The following GRB10 variants were observed in gnomAD, a reference collection of about 807,000 sequenced individuals.
GRB10 encodes growth factor receptor-bound protein 10.
Under a neutral mutation model 80.9 loss-of-function variants are expected in GRB10, and 20 were observed. The observed-to-expected ratio is 0.25, with a 90% CI of 0.17 to 0.36. The LOEUF is 0.36. Ranked by LOEUF, GRB10 falls within the 10% of genes least tolerant of loss-of-function variation. The pLI is 1.00. For missense variants in GRB10, 548 were observed against 747.7 expected (o/e 0.73, Z 3.12); for synonymous variants, 291 against 291.5 (o/e 1.00, Z 0.02).
intron 2 of GRB10, among the ~76,000 whole-genome samples, chr7:50,756,640 G>A (rs1031529476): frequency 6.6e-6 from 1 of 152,180 alleles, no homozygotes; most frequent in Non-Finnish European, 1.5e-5. Context: ...TATGAACTGA[G>A]AGCTCAAGGC....
intron 7 of GRB10, among the ~76,000 whole-genome samples, chr7:50,639,015 C>T (rs150828908): frequency 6.6e-6 from 1 of 152,266 alleles, no homozygotes; most frequent in African/African-American, 2.4e-5. Flanking sequence ...CATATTATCA[C>T]TTAGAAGTTG....
chr7:50,724,466 A>G (rs2068263912), intron 4 of GRB10, among the ~76,000 whole-genome samples: 1 of 152,228 alleles, frequency 6.6e-6, no homozygotes, highest in Non-Finnish European at 1.5e-5. Context: ...CTGGAAATAA[A>G]CACGACCTGG....
intron 5 of GRB10, among the ~76,000 whole-genome samples, chr7:50,689,984 G>A (rs1366049323): frequency 6.7e-6 from 1 of 150,088 alleles, no homozygotes; most frequent in Non-Finnish European, 1.5e-5. Context: ...CTGGTTAATT[G>A]TGGTTAAAAA....
chr7:50,622,726 CA>C (rs2052038752), intron 8 of GRB10, among the ~76,000 whole-genome samples: 1 of 151,974 alleles, frequency 6.6e-6, no homozygotes, highest in Non-Finnish European at 1.5e-5. Flanking sequence ...TTTTCAAGTT[CA>C]GGGGGCATCA....
intron 2 of GRB10, among the ~76,000 whole-genome samples, chr7:50,764,814 A>G (rs969548333): frequency 6.6e-6 from 1 of 152,368 alleles, no homozygotes; most frequent in Admixed American, 6.5e-5. Context: ...GCTAAGCACC[A>G]GGAATAAGCA....
At chr7:50,610,213 C>A (rs1229976853) in intron 13 of GRB10, among the ~76,000 whole-genome samples, 3 of 152,184 alleles carry the variant, frequency 2.0e-5, no homozygotes, top group African/African-American at 7.2e-5. Flanking sequence ...TAAAGAGTTA[C>A]CTCCCCACTG....
At chr7:50,634,146 T>C (rs570453954) in intron 7 of GRB10, among the ~76,000 whole-genome samples, 1 of 152,284 alleles carries the variant, frequency 6.6e-6, no homozygotes, top group African/African-American at 2.4e-5. Flanking sequence ...GATAGAAGTG[T>C]CAAATCACCT....
intron 4 of GRB10, among the ~76,000 whole-genome samples, chr7:50,718,341 G>A (rs1007764274): frequency 6.6e-6 from 1 of 152,084 alleles, no homozygotes; most frequent in Non-Finnish European, 1.5e-5. Context: ...CATCTGCATG[G>A]GTTAGTTACC....
At chr7:50,682,294 C>G (rs1046594230) in intron 5 of GRB10, among the ~76,000 whole-genome samples, 2 of 152,212 alleles carry the variant, frequency 1.3e-5, no homozygotes, top group Admixed American at 1.3e-4. Flanking sequence ...CAGGTGGCAG[C>G]CTGCCTTGGC....
At chr7:50,645,062 A>AAG (rs2056953254) in intron 7 of GRB10, among the ~76,000 whole-genome samples, 1 of 152,138 alleles carries the variant, frequency 6.6e-6, no homozygotes, top group Non-Finnish European at 1.5e-5. Context: ...TGGAGCTATC[A>AAG]TTTAGGGCTA....
At chr7:50,625,807 C>G (rs2052772739) in intron 8 of GRB10, among the ~76,000 whole-genome samples, 1 of 152,240 alleles carries the variant, frequency 6.6e-6, no homozygotes, top group South Asian at 2.1e-4. Flanking sequence ...GGTGTCAGCT[C>G]AAATTTACAC....
chr7:50,709,875 G>A (rs1409807786), intron 4 of GRB10, among the ~76,000 whole-genome samples: 1 of 152,044 alleles, frequency 6.6e-6, no homozygotes, highest in African/African-American at 2.4e-5. Flanking sequence ...GGGGACCCAG[G>A]TGTCTATGTG....
At chr7:50,698,700 C>T (rs533718024) in intron 5 of GRB10, among the ~76,000 whole-genome samples, 1 of 152,360 alleles carries the variant, frequency 6.6e-6, no homozygotes, top group African/African-American at 2.4e-5. Flanking sequence ...TGTGATACCA[C>T]ATAAGAGGGA....
chr7:50,721,042 T>C (rs1334793426), intron 4 of GRB10, among the ~76,000 whole-genome samples: 1 of 152,234 alleles, frequency 6.6e-6, no homozygotes, highest in Non-Finnish European at 1.5e-5. Context: ...GTTTCATAAA[T>C]TGTTAACATG....
chr7:50,748,161 A>AC (rs1365702232), intron 3 of GRB10, among the ~76,000 whole-genome samples: 1 of 151,906 alleles, frequency 6.6e-6, no homozygotes, highest in Non-Finnish European at 1.5e-5. Flanking sequence ...GTAATCACTC[A>AC]CCCCCCGCCC....
intron 5 of GRB10, among the ~76,000 whole-genome samples, chr7:50,679,920 T>C (rs995971237): frequency 6.6e-5 from 10 of 152,242 alleles, no homozygotes; most frequent in African/African-American, 2.4e-4. Context: ...AAATATAACT[T>C]AACCTTCTAC....
chr7:50,633,709 A>AAACAACAAC (rs55948218), intron 7 of GRB10, among the ~76,000 whole-genome samples: 28,926 of 151,472 alleles, frequency 0.19, 2,952 homozygotes, highest in South Asian at 0.26. Context: ...AAAACAAACA[A>AAACAACAAC]AACAACAACA....
intron 2 of GRB10, among the ~76,000 whole-genome samples, chr7:50,759,421 A>G (rs1318234679): frequency 6.6e-6 from 1 of 152,158 alleles, no homozygotes; most frequent in Non-Finnish European, 1.5e-5. Context: ...GATCGGTTCC[A>G]GGACACCAGA....
At chr7:50,648,010 C>T (rs755173713) in intron 7 of GRB10, among the ~76,000 whole-genome samples, 2 of 152,112 alleles carry the variant, frequency 1.3e-5, no homozygotes, top group Non-Finnish European at 2.9e-5. Context: ...CATGGAGGTG[C>T]CATGTTGGCA....
Sources: gnomAD v4.1 joint callset for allele counts (sites outside exome capture counted in the v4.1 genomes callset) on GRCh38, gnomAD v4.1.1 for gene constraint, MANE v1.5 for transcripts, NCBI Gene and HGNC (gene_info 2026-07-23, HGNC 2026-07-21) for gene names.